Variants in MTMR6 observed in about 807,000 individuals in gnomAD.
MTMR6 encodes phosphatidylinositol-3,5-bisphosphate 3-phosphatase MTMR6.
A neutral mutation model predicts 80.1 loss-of-function variants in MTMR6; 47 were observed. The ratio of observed to expected loss-of-function variants is 0.59; its 90% confidence interval spans 0.46 to 0.75. MTMR6 has a LOEUF of 0.75. MTMR6 is among the 30% of genes least tolerant of loss of function. The pLI, the probability that MTMR6 is intolerant of heterozygous loss-of-function variation, is 0.00. For synonymous variants in MTMR6, 254 were observed against 253.0 expected (o/e 1.00, Z -0.04); for missense variants, 629 against 730.9 (o/e 0.86, Z 1.61).
chr13:25,285,637 C>G (rs1046947360), intron 1 of MTMR6, among the ~76,000 whole-genome samples: 13 of 152,134 alleles, frequency 8.5e-5, no homozygotes, highest in Admixed American at 7.9e-4. Context: ...CCGGTTGAAG[C>G]AATTCTCCTG....
intron 1 of MTMR6, among the ~76,000 whole-genome samples, chr13:25,287,016 C>G (rs531875587): frequency 6.6e-6 from 1 of 152,216 alleles, no homozygotes; most frequent in Admixed American, 6.5e-5. Context: ...GACCCCTGCT[C>G]CTGTAGGTAC....
intron 6 of MTMR6, chr13:25,260,628 A>G (rs1219606570): frequency 7.8e-7 from 1 of 1,288,294 alleles, no homozygotes; most frequent in African/African-American, 1.5e-5. Flanking sequence ...TTTTTGAAGA[A>G]ATCCTCACTA....
intron 9 of MTMR6, 80 bp downstream of exon 9, chr13:25,257,116 C>A: frequency 7.0e-7 from 1 of 1,423,080 alleles, no homozygotes; most frequent in Non-Finnish European, 9.5e-7. Flanking sequence ...AAACTGTCTC[C>A]AACATTGCCA....
intron 2 of MTMR6, among the ~76,000 whole-genome samples, chr13:25,269,424 C>G (rs1446963929): frequency 6.6e-6 from 1 of 152,090 alleles, no homozygotes; most frequent in Non-Finnish European, 1.5e-5. Flanking sequence ...ATTGTTCTCA[C>G]CTACTACCAA....
chr13:25,275,165 G>A (rs147882948), intron 1 of MTMR6, among the ~76,000 whole-genome samples: 6 of 152,250 alleles, frequency 3.9e-5, no homozygotes, highest in East Asian at 1.9e-4. Flanking sequence ...GGTGGCTCAC[G>A]CCTGTAATCC....
rs932014474 is a variant in MTMR6 at position 25,287,483 on chromosome 13, G to A, written c.-236C>T. 5 of 569,724 alleles carry A rather than the reference G, an allele frequency of 8.8e-6. No individual in the cohort carries two copies. The highest frequency in any genetic ancestry group is 1.9e-5 in the African/African-American group (1 of 53,000). 35.3% of individuals were successfully genotyped at this position (569,724 alleles called of 1,614,324 possible). A position where few individuals can be genotyped will look rare whatever the true frequency, so the allele number is the denominator to read the frequency against. On this transcript the variant is annotated 5_prime_UTR_variant, in exon 1 of 14. It adds an upstream start codon to the 5' untranslated region. Coordinates refer to ENST00000381801, the MANE Select transcript of MTMR6 (RefSeq NM_004685.5). ...GGGACTCGGGGCAGGCAGACAGAGC[G>A]TGTGTGGACCGAGAGCGGCTTGCTG...
chr13:25,284,086 C>T lies in MTMR6; in HGVS notation c.24+3138G>A, dbSNP rs565509395. Among the ~76,000 whole-genome samples the T allele has an allele frequency of 4.6e-5, 7 of 152,174 alleles. No individual in the cohort carries two copies. The South Asian group carries it at 1.5e-3, about 32-fold the overall frequency. On this transcript the variant is annotated intron_variant, in intron 1 of 13. Coordinates refer to ENST00000381801, the MANE Select transcript of MTMR6 (RefSeq NM_004685.5). ...CTCTGGTTAGCAAGCAATAATGATC[C>T]TAAATATTATTTAAAAACAATACCG...
chr13:25,276,151 G>A (rs1368017598), intron 1 of MTMR6, among the ~76,000 whole-genome samples: 2 of 152,142 alleles, frequency 1.3e-5, no homozygotes, highest in African/African-American at 4.8e-5. Flanking sequence ...AACCACCACC[G>A]AGCAATTATT....
At chr13:25,260,975 A>G (rs1258518912) in intron 6 of MTMR6, among the ~76,000 whole-genome samples, 2 of 152,066 alleles carry the variant, frequency 1.3e-5, no homozygotes, top group African/African-American at 4.8e-5. Context: ...TAGCATAAAA[A>G]TGTTTTGTCA....
At position 25,264,775 on chromosome 13, in the gene MTMR6, A is replaced by AAAAAAG. The variant is rs1491106020; in HGVS notation, c.591+1043_591+1044insCTTTTT. Among the ~76,000 whole-genome samples, 64 of 133,702 alleles carry AAAAAAG rather than the reference A, an allele frequency of 4.8e-4. 1 individual carries two copies. The highest frequency in any genetic ancestry group is 2.3e-3 in the Admixed American group (25 of 10,934). The allele number at this position is 133,702 out of a possible 152,430, so 87.7% of individuals were successfully genotyped here. On this transcript the variant is annotated intron_variant, in intron 5 of 13. Transcript: ENST00000381801. ...TCTCAAAAAAAAAAAAAAAAAAAAA[A>AAAAAAG]GAAATTTCAGAACACTGGGGAAAAA... is the stretch of plus-strand genomic sequence containing the variant.
Position 25,251,697 on chromosome 13 carries a change from C to A in MTMR6, c.1557G>T (p.Met519Ile). ...TCTCTAATTGTTTATTTTGCTCATT[C>A]ATATTCATAATTATATTAAATACAG... ...RQSVFNIIMNMNEQNKQLEKD... is the reference protein window; with the variant it reads ...RQSVFNIIMNINEQNKQLEKD... The change falls in exon 13 of 14, where the codon ATG becomes ATT. Residue 519 changes from methionine to isoleucine, a missense_variant. Met to Ile is a conservative substitution (Grantham distance 10, BLOSUM62 1). Transcript: ENST00000381801. The surrounding 1 kb of genome is among the most constrained non-coding windows in gnomAD (Gnocchi z 4.1). The A allele has an allele frequency of 1.9e-6, 3 of 1,562,104 alleles. No homozygotes were observed. Among genetic ancestry groups the A allele is most frequent in the Non-Finnish European group, 2.6e-6 (3 of 1,138,560 alleles).
intron 1 of MTMR6, among the ~76,000 whole-genome samples, chr13:25,278,212 T>C (rs989818058): frequency 2.0e-5 from 3 of 152,228 alleles, no homozygotes; most frequent in Non-Finnish European, 4.4e-5. Context: ...TCTCTACCTT[T>C]AGGCTCTTTT....
Position 25,249,174 on chromosome 13 carries a change from C to A in MTMR6, c.*58G>T, listed in dbSNP as rs2137508891. ...ATTCCTTTTGGTTATGCTTACAGAC[C>A]ATCCTCACAATAATCCTTTTCTTGT... On this transcript the variant is annotated 3_prime_UTR_variant, in exon 14 of 14. Coordinates refer to ENST00000381801, the MANE Select transcript of MTMR6 (RefSeq NM_004685.5). 6.4e-7 allele frequency: 1 copy of A among 1,564,192 alleles called. No homozygotes were observed. Among genetic ancestry groups the A allele is most frequent in the Middle Eastern group, 1.7e-4 (1 of 5,734 alleles).
At chr13:25,262,958 ACC>A (rs1453322152) in intron 5 of MTMR6, among the ~76,000 whole-genome samples, 5 of 152,192 alleles carry the variant, frequency 3.3e-5, no homozygotes, top group Non-Finnish European at 7.3e-5. Context: ...TAACCATTTA[ACC>A]TCTCTGTGAT....
At chr13:25,254,814 T>C (rs1249687211) in intron 9 of MTMR6, among the ~76,000 whole-genome samples, 1 of 151,964 alleles carries the variant, frequency 6.6e-6, no homozygotes, top group Non-Finnish European at 1.5e-5. Context: ...CTCTAGGTGG[T>C]AGACTGAGGT....
intron 13 of MTMR6, among the ~76,000 whole-genome samples, chr13:25,250,441 C>A (rs1464159378): frequency 6.6e-6 from 1 of 152,012 alleles, no homozygotes; most frequent in East Asian, 1.9e-4. Flanking sequence ...AGAATTAGTG[C>A]CTGGCATATA....
chr13:25,274,116 C>A lies in MTMR6; in HGVS notation c.96G>T (p.Thr32=). 6.2e-7 allele frequency: 1 copy of A among 1,612,828 alleles called. No individual in the cohort carries two copies. The highest frequency in any genetic ancestry group is 8.5e-7 in the Non-Finnish European group (1 of 1,179,364). The change falls in exon 2 of 14, where the codon ACG becomes ACT. Residue 32 remains threonine, a synonymous_variant. Coordinates refer to ENST00000381801, the MANE Select transcript of MTMR6 (RefSeq NM_004685.5). The part of the protein sequence containing the change: ...NKSLTGTLYL[T]ATHLLFIDSH... Reference sequence around the variant, plus strand: ...AGTCGATAAATAATAGATGTGTAGCCGTAAGATACAGTGTTCCTGTTAATG... The same window carrying A: ...AGTCGATAAATAATAGATGTGTAGCAGTAAGATACAGTGTTCCTGTTAATG...
intron 10 of MTMR6, among the ~76,000 whole-genome samples, 195 bp from the exon 11 acceptor site, chr13:25,254,159 T>C (rs1418914312): frequency 1.3e-5 from 2 of 152,078 alleles, no homozygotes; most frequent in Non-Finnish European, 2.9e-5. Flanking sequence ...CTAAATAAAA[T>C]GCAGCCCAAA....
chr13:25,285,393 C>CG (rs1204609318), intron 1 of MTMR6, among the ~76,000 whole-genome samples: 4 of 128,506 alleles, frequency 3.1e-5, no homozygotes, highest in South Asian at 3.5e-4. Context: ...TTTTCCGCCC[C>CG]CCCCCCCCCA....
Sources: gnomAD v4.1 joint callset for allele counts (sites outside exome capture counted in the v4.1 genomes callset) on GRCh38, gnomAD v4.1.1 for gene constraint, Gnocchi (gnomAD v3.1) non-coding constraint, MANE v1.5 for transcripts, NCBI Gene and HGNC (gene_info 2026-07-23, HGNC 2026-07-21) for gene names.